Variants in OR10H5 observed in about 807,000 individuals in gnomAD.
The protein encoded by OR10H5 is olfactory receptor family 10 subfamily H member 5, also known as olfactory receptor 10H5.
In OR10H5, 7 loss-of-function variants were observed where a neutral mutation model predicts 12.2. The ratio of observed to expected loss-of-function variants is 0.57; its 90% CI spans 0.33 to 1.07. The LOEUF is 1.07. Ranked by LOEUF, OR10H5 falls within the 50% of genes least tolerant of loss-of-function variation. The probability of loss-of-function intolerance (pLI) is 0.04; values close to 1 mark genes in which losing one functional copy is unlikely to be tolerated. For missense variants in OR10H5, 346 were observed against 411.6 expected, an observed-to-expected ratio of 0.84 and a Z score of 1.38; for synonymous variants, 159 against 175.1, an observed-to-expected ratio of 0.91 and a Z score of 0.73.
At chr19:15,790,091 T>C (rs1159153062) in intron 1 of OR10H5, among the ~76,000 whole-genome samples, 1 of 152,180 alleles carries the variant, frequency 6.6e-6, no homozygotes, top group East Asian at 1.9e-4. Context: ...ATGGCCCCTT[T>C]CTGTAATTTT....
At chr19:15,790,578 TGA>T (rs142617119) in intron 1 of OR10H5, among the ~76,000 whole-genome samples, 1 of 151,864 alleles carries the variant, frequency 6.6e-6, no homozygotes, top group South Asian at 2.1e-4. Flanking sequence ...CACCGTGGGC[TGA>T]GAGAGAGGGC....
chr19:15,791,347 AAAAC>A (rs974853613), intron 1 of OR10H5, among the ~76,000 whole-genome samples: 1 of 152,240 alleles, frequency 6.6e-6, no homozygotes, highest in Admixed American at 6.5e-5. Context: ...ACTCCATCTC[AAAAC>A]AAACAAACAA....
Position 15,794,437 on chromosome 19 carries a change from T to G in OR10H5, c.389T>G (p.Leu130Arg), listed in dbSNP as rs750890527. Residue 130 changes from leucine (L) to arginine (R), a missense_variant, in exon 2 of 2, where the codon CTG becomes CGG. Physicochemically the swap from Leu to Arg is moderately radical, Grantham distance 102. Coordinates refer to ENST00000642092, the MANE Select transcript of OR10H5 (RefSeq NM_001004466.2). ...CGCTACGTGGCCATCTGCCACCCCC[T>G]GCGTTACAACGTGCTCATGAGCCTG... ...YDRYVAICHP[L>R]RYNVLMSLRG... The G allele has an allele frequency of 5.0e-6, 8 of 1,614,232 alleles. No individual in the cohort carries two copies. Among genetic ancestry groups the G allele is most frequent in the Non-Finnish European group, 6.8e-6 (8 of 1,180,048 alleles).
chr19:15,795,087 C>T lies in OR10H5; in HGVS notation c.*91C>T, dbSNP rs1269775203. 55 of 1,035,442 alleles carry T rather than the reference C, an allele frequency of 5.3e-5. No homozygotes were observed. The highest frequency in any genetic ancestry group is 7.7e-5 in the Non-Finnish European group (55 of 717,392). 64.1% of individuals were successfully genotyped at this position (1,035,442 alleles called of 1,614,324 possible). ...TTTCCTTTCCTCCCTCCCTCCTTTC[C>T]TCCCTCCCTCCCTTCCTTCCTTCTT... On this transcript the variant is annotated 3_prime_UTR_variant, in exon 2 of 2. Coordinates refer to ENST00000642092, the MANE Select transcript of OR10H5 (RefSeq NM_001004466.2).
Position 15,797,328 on chromosome 19 carries a change from G to A in OR10H5, c.*2332G>A, listed in dbSNP as rs1211073882. 1 of 152,148 alleles carries A rather than the reference G, an allele frequency of 6.6e-6. No homozygotes were observed. Among genetic ancestry groups the A allele is most frequent in the Non-Finnish European group, 1.5e-5 (1 of 68,040 alleles). 9.4% of individuals were successfully genotyped at this position (152,148 alleles called of 1,614,324 possible). On this transcript the variant is annotated 3_prime_UTR_variant, in exon 2 of 2. Coordinates refer to ENST00000642092, the MANE Select transcript of OR10H5 (RefSeq NM_001004466.2). The stretch of plus-strand genomic sequence containing the variant: ...CCTGGGGTGTAGCTAGTGCTTTCTA[G>A]CTGATCATGATTCTGAAGATACCTT...
chr19:15,793,271 C>T (rs2088817303), intron 1 of OR10H5, among the ~76,000 whole-genome samples: 1 of 152,102 alleles, frequency 6.6e-6, no homozygotes, highest in Non-Finnish European at 1.5e-5. Context: ...AGACATGCAC[C>T]ACAATGTGTG....
Position 15,794,040 on chromosome 19 carries a change from G to A in OR10H5, c.-9G>A, listed in dbSNP as rs1460788685. 3 of 1,605,848 alleles carry A rather than the reference G, an allele frequency of 1.9e-6. No homozygotes were observed. The highest frequency in any genetic ancestry group is 1.7e-4 in the Middle Eastern group (1 of 6,014). On this transcript the variant is annotated splice_region_variant and 5_prime_UTR_variant, in exon 2 of 2. It adds an upstream start codon to the 5' untranslated region. Coordinates refer to ENST00000642092, the MANE Select transcript of OR10H5 (RefSeq NM_001004466.2). ...TCTTTCCTCTCTCCACCAACTAGGGGTGGCCGCCATGCAGGGGCTAAACCA... is the reference window on the plus strand; with the variant it reads ...TCTTTCCTCTCTCCACCAACTAGGGATGGCCGCCATGCAGGGGCTAAACCA...
rs898033867 is a variant in OR10H5, at chr19:15,789,430, G to C, written c.-12+1714G>C. 2.0e-5 allele frequency among the ~76,000 whole-genome samples: 3 copies of C among 151,932 alleles called. No individual in the cohort carries two copies. In the East Asian group the frequency reaches 5.8e-4, roughly 29 times the overall value. ...TCTCCTTTGAGGAGAGAGGGCACTGGAGCAGGGTCTGGGAGCCTGCGTGTG... is the reference window on the plus strand; with the variant it reads ...TCTCCTTTGAGGAGAGAGGGCACTGCAGCAGGGTCTGGGAGCCTGCGTGTG... On this transcript the variant is annotated intron_variant, in intron 1 of 1. Coordinates refer to ENST00000642092, the MANE Select transcript of OR10H5 (RefSeq NM_001004466.2).
In OR10H5 at chr19:15,794,432, C is replaced by T. The variant is rs781262256; in HGVS notation, c.384C>T (p.His128=). 2 of 1,614,252 alleles carry T rather than the reference C, an allele frequency of 1.2e-6. No individual in the cohort carries two copies. The highest frequency in any genetic ancestry group is 1.7e-6 in the Non-Finnish European group (2 of 1,180,040). The change falls in exon 2 of 2, where the codon CAC becomes CAT. Residue 128 remains histidine, a synonymous_variant. Transcript: ENST00000642092. ...MGYDRYVAIC[H]PLRYNVLMSL... is the part of the protein sequence containing the mutation. ...ACGACCGCTACGTGGCCATCTGCCA[C>T]CCCCTGCGTTACAACGTGCTCATGA...
At chr19:15,788,802 C>T (rs879648102) in intron 1 of OR10H5, among the ~76,000 whole-genome samples, 2 of 152,170 alleles carry the variant, frequency 1.3e-5, no homozygotes, top group Admixed American at 1.3e-4. Flanking sequence ...CAGCTGATCT[C>T]ATTTTTGGAT....
At chr19:15,793,391 G>C (rs2088817884) in intron 1 of OR10H5, among the ~76,000 whole-genome samples, 1 of 152,070 alleles carries the variant, frequency 6.6e-6, no homozygotes, top group African/African-American at 2.4e-5. Flanking sequence ...ACGTAGCTGG[G>C]ACCACAGGCA....
In OR10H5 at chr19:15,796,203, C is replaced by A. The variant is rs555842444; in HGVS notation, c.*1207C>A. On this transcript the variant is annotated 3_prime_UTR_variant, in exon 2 of 2. Transcript: ENST00000642092. ...ATTAGAGCTGGGGATAAGAAGTACA[C>A]ATTTCTCAGGGCCTGTGAAGAGGGG... is the stretch of plus-strand genomic sequence containing the variant. 6.6e-6 allele frequency: 1 copy of A among 152,340 alleles called. No individual in the cohort carries two copies. Among genetic ancestry groups the A allele is most frequent in the South Asian group, 2.1e-4 (1 of 4,832 alleles). The allele number at this position is 152,340 out of a possible 1,614,324, so 9.4% of individuals were successfully genotyped here.
rs199854106 is a variant in OR10H5 at position 15,794,798 on chromosome 19, C to T, written c.750C>T (p.Val250=). The T allele has an allele frequency of 3.0e-5, 48 of 1,614,114 alleles. No homozygotes were observed. The highest frequency in any genetic ancestry group is 1.5e-4 in the African/African-American group (11 of 75,044). ...STCASHLTVV[V]VHYGFASVIY... ...GTGCCTCTCACCTCACTGTGGTGGT[C>T]GTGCACTATGGCTTTGCCTCCGTCA... Residue 250 remains valine (V), a synonymous_variant, in exon 2 of 2, where the codon GTC becomes GTT. Transcript: ENST00000642092.
intron 1 of OR10H5, among the ~76,000 whole-genome samples, chr19:15,788,417 T>G (rs1220758240): frequency 6.6e-6 from 1 of 152,152 alleles, no homozygotes. Flanking sequence ...CCTTTTCCTC[T>G]GTGTGTCCTC....
chr19:15,793,862 G>C lies in OR10H5; in HGVS notation c.-11-176G>C, dbSNP rs141028260. 1,939 of 615,744 alleles carry C rather than the reference G, an allele frequency of 3.1e-3. 23 individuals are homozygous for C. The African/African-American group carries it at 0.032, about 10-fold the overall frequency. 38.1% of individuals were successfully genotyped at this position (615,744 alleles called of 1,614,324 possible). On this transcript the variant is annotated intron_variant, in intron 1 of 1. Coordinates refer to ENST00000642092, the MANE Select transcript of OR10H5 (RefSeq NM_001004466.2). Reference sequence around the variant, plus strand: ...CCACTGCACTCCAGCCTGGGTGACAGAGCGAGACCCCATCTCAAAAACTAA... The same window carrying C: ...CCACTGCACTCCAGCCTGGGTGACACAGCGAGACCCCATCTCAAAAACTAA...
chr19:15,791,836 G>GC (rs1315368125), intron 1 of OR10H5, among the ~76,000 whole-genome samples: 1 of 151,908 alleles, frequency 6.6e-6, no homozygotes, highest in African/African-American at 2.4e-5. Flanking sequence ...GGGACTACAG[G>GC]CCCCCGCCAC....
intron 1 of OR10H5, chr19:15,793,830 G>A: frequency 3.7e-6 from 2 of 546,580 alleles, no homozygotes; most frequent in South Asian, 4.9e-5. Flanking sequence ...AGTGAGCTGA[G>A]ATCACACCAC....
In OR10H5 at chr19:15,794,485, G is replaced by C. The variant is rs775429308; in HGVS notation, c.437G>C (p.Gly146Ala). 6.2e-7 allele frequency: 1 copy of C among 1,614,230 alleles called. No individual in the cohort carries two copies. The highest frequency in any genetic ancestry group is 8.5e-7 in the Non-Finnish European group (1 of 1,180,044). ...MSLRGCTCRV[G>A]CSWAGGLVMG... ...CTGCGGGGCTGCACCTGCCGGGTGG[G>C]CTGCTCCTGGGCTGGTGGCTTGGTC... is the stretch of plus-strand genomic sequence containing the variant. The change falls in exon 2 of 2, where the codon GGC (glycine) becomes GCC (alanine). Residue 146 changes from glycine to alanine, a missense_variant. By Grantham distance (60) the Gly-to-Ala change is moderately conservative. Transcript: ENST00000642092.
intron 1 of OR10H5, among the ~76,000 whole-genome samples, chr19:15,788,435 C>T (rs1489191978): frequency 6.6e-6 from 1 of 152,114 alleles, no homozygotes; most frequent in Non-Finnish European, 1.5e-5. Context: ...CTCCCCTCGT[C>T]TTTGAGGGGC....
Sources: gnomAD v4.1 joint callset for allele counts (sites outside exome capture counted in the v4.1 genomes callset) on GRCh38, gnomAD v4.1.1 for gene constraint, MANE v1.5 for transcripts, NCBI Gene and HGNC (gene_info 2026-07-23, HGNC 2026-07-21) for gene names.